The following HS6ST3 variants were observed in gnomAD, a reference collection of about 807,000 sequenced individuals.
HS6ST3 encodes heparan sulfate 6-O-sulfotransferase 3.
HS6ST3 carries 12 observed loss-of-function variants against 36.7 expected under a neutral mutation model. That is an observed-to-expected ratio of 0.33 (90% CI 0.21 to 0.53). The LOEUF is 0.53. Ranked by LOEUF, HS6ST3 falls within the 20% of genes least tolerant of loss-of-function variation. The probability of loss-of-function intolerance (pLI) is 0.95; values close to 1 mark genes in which losing one functional copy is unlikely to be tolerated. For missense variants in HS6ST3, 584 were observed against 640.9 expected (o/e 0.91, Z 0.96); for synonymous variants, 240 against 257.5 (o/e 0.93, Z 0.65).
intron 1 of HS6ST3, among the ~76,000 whole-genome samples, chr13:96,583,834 C>T (rs1009455216): frequency 6.6e-6 from 1 of 152,176 alleles, no homozygotes; most frequent in Non-Finnish European, 1.5e-5. Context: ...ATGAGTTTCT[C>T]AACCTCTACG....
rs1347383523 is a variant in HS6ST3 at position 96,834,506 on chromosome 13, A to G, written c.*1308A>G. 1 of 152,226 alleles carries G rather than the reference A, an allele frequency of 6.6e-6. No individual in the cohort carries two copies. The highest frequency in any genetic ancestry group is 2.4e-5 in the African/African-American group (1 of 41,448). 9.4% of individuals were successfully genotyped at this position (152,226 alleles called of 1,614,324 possible). On this transcript the variant is annotated 3_prime_UTR_variant, in exon 2 of 2. Coordinates refer to ENST00000376705, the MANE Select transcript of HS6ST3 (RefSeq NM_153456.4). Reference sequence around the variant, plus strand: ...GCCGAGTTCTTATTTTCACCTTTTCATAATCCCAACTACAATAACAAGAAT... The same window carrying G: ...GCCGAGTTCTTATTTTCACCTTTTCGTAATCCCAACTACAATAACAAGAAT...
chr13:96,555,971 T>C (rs934512841), intron 1 of HS6ST3, among the ~76,000 whole-genome samples: 2 of 152,188 alleles, frequency 1.3e-5, no homozygotes, highest in Non-Finnish European at 2.9e-5. Flanking sequence ...CTTGGAACAA[T>C]TTATTTCCCC....
Position 96,482,590 on chromosome 13 carries a change from C to G in HS6ST3, c.708-349900C>G, listed in dbSNP as rs565725909. On this transcript the variant is annotated intron_variant, in intron 1 of 1. Coordinates refer to ENST00000376705, the MANE Select transcript of HS6ST3 (RefSeq NM_153456.4). Reference sequence around the variant, plus strand: ...TCAAACGACTTGATTAAGGTCATTTCCTGGGCTGAGGCAGCTGAATCTTTC... The same window carrying G: ...TCAAACGACTTGATTAAGGTCATTTGCTGGGCTGAGGCAGCTGAATCTTTC... 2.0e-4 allele frequency among the ~76,000 whole-genome samples: 30 copies of G among 151,980 alleles called. 2 individuals carry two copies. In the South Asian group the frequency reaches 5.4e-3, roughly 27 times the overall value.
intron 1 of HS6ST3, among the ~76,000 whole-genome samples, chr13:96,257,981 C>A (rs2054645433): frequency 6.6e-6 from 1 of 152,032 alleles, no homozygotes; most frequent in South Asian, 2.1e-4. Flanking sequence ...GATGCCAGTG[C>A]AGTTATTTTA....
At chr13:96,584,613 A>G (rs529888193) in intron 1 of HS6ST3, among the ~76,000 whole-genome samples, 1 of 152,334 alleles carries the variant, frequency 6.6e-6, no homozygotes, top group South Asian at 2.1e-4. Flanking sequence ...ACAAGCTAAC[A>G]TGTCCCAGGT....
chr13:96,554,874 A>C (rs2056234076), intron 1 of HS6ST3, among the ~76,000 whole-genome samples: 1 of 151,282 alleles, frequency 6.6e-6, no homozygotes, highest in African/African-American at 2.4e-5. Context: ...TTTGAGACCA[A>C]CTCCTGGGCT....
chr13:96,610,692 A>G lies in HS6ST3; in HGVS notation c.708-221798A>G, dbSNP rs538377264. Among the ~76,000 whole-genome samples the G allele has an allele frequency of 2.2e-4, 34 of 152,278 alleles. No homozygotes were observed. In the South Asian group the frequency reaches 6.8e-3, roughly 31 times the overall value. Reference sequence around the variant, plus strand: ...TTGTGTTGATTATCATGTTAATTAGAATACCTTCTCTACTGAAATGTTCTA... The same window carrying G: ...TTGTGTTGATTATCATGTTAATTAGGATACCTTCTCTACTGAAATGTTCTA... On this transcript the variant is annotated intron_variant, in intron 1 of 1. Transcript: ENST00000376705.
chr13:96,785,630 A>G (rs1877629240), intron 1 of HS6ST3, among the ~76,000 whole-genome samples: 1 of 152,146 alleles, frequency 6.6e-6, no homozygotes, highest in Non-Finnish European at 1.5e-5. Flanking sequence ...AAGGTCAGAC[A>G]GATAAGCGCA....
intron 1 of HS6ST3, among the ~76,000 whole-genome samples, chr13:96,310,683 C>T (rs2054936444): frequency 6.7e-6 from 1 of 148,224 alleles, no homozygotes; most frequent in Non-Finnish European, 1.5e-5. Context: ...CTCCCTCCCT[C>T]CCTATCTCCT....
chr13:96,753,911 C>G (rs1876761551), intron 1 of HS6ST3, among the ~76,000 whole-genome samples: 1 of 152,126 alleles, frequency 6.6e-6, no homozygotes, highest in South Asian at 2.1e-4. Flanking sequence ...CCTGCGCCTC[C>G]TGGGTTCAAG....
chr13:96,681,220 T>C (rs2056717384), intron 1 of HS6ST3, among the ~76,000 whole-genome samples: 1 of 152,208 alleles, frequency 6.6e-6, no homozygotes, highest in South Asian at 2.1e-4. Context: ...ACGTTGATCA[T>C]GATAAGAATG....
At chr13:96,227,907 G>A (rs1374817238) in intron 1 of HS6ST3, among the ~76,000 whole-genome samples, 3 of 152,050 alleles carry the variant, frequency 2.0e-5, no homozygotes, top group East Asian at 3.9e-4. Flanking sequence ...ACAATTCTAC[G>A]GTTGGGTATT....
At chr13:96,696,107 T>C (rs1254715804) in intron 1 of HS6ST3, among the ~76,000 whole-genome samples, 1 of 152,136 alleles carries the variant, frequency 6.6e-6, no homozygotes, top group Non-Finnish European at 1.5e-5. Context: ...TATTAAGAAA[T>C]GTATTTTAAG....
intron 1 of HS6ST3, among the ~76,000 whole-genome samples, chr13:96,110,400 T>G (rs1346581280): frequency 2.1e-5 from 3 of 145,308 alleles, no homozygotes; most frequent in Non-Finnish European, 3.0e-5. Flanking sequence ...ACCTTGAACA[T>G]AGGGGATCAC....
intron 1 of HS6ST3, among the ~76,000 whole-genome samples, chr13:96,285,962 C>T (rs867394894): frequency 1.3e-5 from 2 of 149,062 alleles, no homozygotes; most frequent in South Asian, 2.2e-4. Context: ...TCTCTCCTGC[C>T]TGCCCTTCTC....
At chr13:96,310,731 G>A (rs117420459) in intron 1 of HS6ST3, among the ~76,000 whole-genome samples, 3,915 of 150,186 alleles carry the variant, frequency 0.026, 65 homozygotes, top group East Asian at 0.056. Context: ...AAACGTATGC[G>A]TGCATCACAA....
chr13:96,768,946 A>G (rs1027874666), intron 1 of HS6ST3, among the ~76,000 whole-genome samples: 1 of 152,132 alleles, frequency 6.6e-6, no homozygotes, highest in Non-Finnish European at 1.5e-5. Flanking sequence ...TAGCAGGTTG[A>G]CAACAGGAAA....
At chr13:96,246,159 A>G (rs2054584112) in intron 1 of HS6ST3, among the ~76,000 whole-genome samples, 1 of 152,042 alleles carries the variant, frequency 6.6e-6, no homozygotes, top group Non-Finnish European at 1.5e-5. Context: ...TCTCTCTCAG[A>G]GGAGAGCCAT....
At chr13:96,480,166 C>T (rs911020718) in intron 1 of HS6ST3, among the ~76,000 whole-genome samples, 6 of 152,080 alleles carry the variant, frequency 3.9e-5, no homozygotes, top group African/African-American at 9.7e-5. Context: ...CAGGCTGGAG[C>T]GCGGTGGCAT....
Sources: gnomAD v4.1 joint callset for allele counts (sites outside exome capture counted in the v4.1 genomes callset) on GRCh38, gnomAD v4.1.1 for gene constraint, MANE v1.5 for transcripts, NCBI Gene and HGNC (gene_info 2026-07-23, HGNC 2026-07-21) for gene names.